The following LARP1 variants were observed in gnomAD, a reference collection of about 807,000 sequenced individuals.
The protein encoded by LARP1 is La ribonucleoprotein 1, translational regulator, also known as la-related protein 1.
A neutral mutation model predicts 122.7 loss-of-function variants in LARP1; 36 were observed. The observed-to-expected ratio is 0.29, with a 90% CI of 0.22 to 0.39. The LOEUF is 0.39. Among genes scored for constraint, LARP1 ranks in the 10% least tolerant of loss-of-function variants. The probability of loss-of-function intolerance (pLI) is 1.00; values close to 1 mark genes in which losing one functional copy is unlikely to be tolerated. For synonymous variants in LARP1, 539 were observed against 528.7 expected (o/e 1.02, Z -0.27); for missense variants, 1,040 against 1,403.6 (o/e 0.74, Z 4.14).
At position 154,793,740 on chromosome 5, in the gene LARP1, A is replaced by G. The variant is rs1383259400; in HGVS notation, c.868+17A>G. 1.2e-6 allele frequency: 2 copies of G among 1,614,108 alleles called. No individual in the cohort carries two copies. Among genetic ancestry groups the G allele is most frequent in the Non-Finnish European group, 1.7e-6 (2 of 1,179,990 alleles). The stretch of plus-strand genomic sequence containing the variant: ...AGATCAAAGGTATGCACTACCCACT[A>G]TGGAGGGCCTGGACTTGGGAGACAC... On this transcript the variant is annotated intron_variant, in intron 5 of 18. Transcript: ENST00000518297.
At chr5:154,716,903 T>G (rs1193080910) in intron 1 of LARP1, among the ~76,000 whole-genome samples, 1 of 151,916 alleles carries the variant, frequency 6.6e-6, no homozygotes, top group Non-Finnish European at 1.5e-5. Context: ...CTACAAAAAA[T>G]TCAAAAATTA....
At chr5:154,811,023 A>G (rs1759226432) in intron 16 of LARP1, among the ~76,000 whole-genome samples, 1 of 152,232 alleles carries the variant, frequency 6.6e-6, no homozygotes, top group African/African-American at 2.4e-5. Flanking sequence ...ATAGGAGTAA[A>G]CAAATGTCTG....
intron 1 of LARP1, among the ~76,000 whole-genome samples, chr5:154,699,318 T>C (rs577267053): frequency 1.3e-5 from 2 of 152,062 alleles, no homozygotes; most frequent in Non-Finnish European, 2.9e-5. Flanking sequence ...TTGGGCCCCA[T>C]TCCTGGAGAT....
In LARP1 at chr5:154,781,030, C is replaced by G. The variant is rs557714572; in HGVS notation, c.437-9295C>G. Among the ~76,000 whole-genome samples, 311 of 152,222 alleles carry G rather than the reference C, an allele frequency of 2.0e-3. 1 individual carries two copies. The highest frequency in any genetic ancestry group is 7.2e-3 in the African/African-American group (298 of 41,534). ...GTGAGCCTAGATTGTGCCACACCCA[C>G]TGCACTCCAGCCTAGGTGACAGAGT... On this transcript the variant is annotated intron_variant, in intron 1 of 18. Coordinates refer to ENST00000518297, the MANE Select transcript of LARP1 (RefSeq NM_033551.3).
chr5:154,696,525 T>G (rs1368328503), intron 1 of LARP1, among the ~76,000 whole-genome samples: 1 of 152,216 alleles, frequency 6.6e-6, no homozygotes, highest in Non-Finnish European at 1.5e-5. Context: ...CCAAGCTTGG[T>G]GCAAAGCCCT....
intron 1 of LARP1, among the ~76,000 whole-genome samples, chr5:154,742,768 A>T (rs1752972493): frequency 6.6e-6 from 1 of 151,922 alleles, no homozygotes; most frequent in South Asian, 2.1e-4. Flanking sequence ...AGAAAAAAAT[A>T]GTTTCTAGGA....
At position 154,703,043 on chromosome 5, in the gene LARP1, C is replaced by A. The variant is rs535187716; in HGVS notation, c.-180+20006C>A. On this transcript the variant is annotated intron_variant, in intron 1 of 18. Transcript: ENST00000687700. ...GGCTGAGGCAGGAGAATCGCTTGAA[C>A]CCGGGAGGTGGAGGTTGCAGTGAGC... Among the ~76,000 whole-genome samples the A allele has an allele frequency of 6.0e-5, 9 of 150,490 alleles. No individual in the cohort carries two copies. The South Asian group carries it at 1.9e-3, about 32-fold the overall frequency.
upstream of LARP1, among the ~76,000 whole-genome samples, chr5:154,751,070 T>A (rs1020979914): frequency 2.0e-5 from 3 of 152,082 alleles, no homozygotes; most frequent in Admixed American, 6.5e-5. Flanking sequence ...CTAATTAGAG[T>A]TTACCCTTTA....
chr5:154,685,264 T>G (rs1229489485), intron 1 of LARP1, among the ~76,000 whole-genome samples: 1 of 151,042 alleles, frequency 6.6e-6, no homozygotes, highest in African/African-American at 2.4e-5. Context: ...AAAAAAGAAT[T>G]GCACTCCTTA....
At chr5:154,724,427 A>G (rs1186397026) in intron 1 of LARP1, among the ~76,000 whole-genome samples, 2 of 152,242 alleles carry the variant, frequency 1.3e-5, no homozygotes, top group Non-Finnish European at 2.9e-5. Context: ...GGACTACAGA[A>G]GTAATTCCTT....
In LARP1 at chr5:154,816,115, G is replaced by C. The variant is rs1387150941; in HGVS notation, c.*2019G>C. 9 of 152,644 alleles carry C rather than the reference G, an allele frequency of 5.9e-5. No homozygotes were observed. The highest frequency in any genetic ancestry group is 2.2e-4 in the African/African-American group (9 of 41,434). 9.5% of individuals were successfully genotyped at this position (152,644 alleles called of 1,614,324 possible). A position where few individuals can be genotyped will look rare whatever the true frequency, so the allele number is the denominator to read the frequency against. On this transcript the variant is annotated 3_prime_UTR_variant, in exon 19 of 19. Transcript: ENST00000518297. ...TGCCCTCCCAGTGGTTGGTATGTGG[G>C]AAGCCCATCTCAGTTCCTGTGACTT...
intron 1 of LARP1, among the ~76,000 whole-genome samples, chr5:154,696,220 G>A (rs958721003): frequency 2.0e-5 from 3 of 152,082 alleles, no homozygotes; most frequent in South Asian, 4.1e-4. Context: ...AGCCAGGCAT[G>A]GTGGCATGTG....
intron 1 of LARP1, among the ~76,000 whole-genome samples, chr5:154,688,803 G>A (rs945362936): frequency 4.6e-5 from 7 of 152,132 alleles, no homozygotes; most frequent in African/African-American, 1.4e-4. Flanking sequence ...TCCAGCCTGG[G>A]TGACAGAATG....
At chr5:154,767,995 C>T (rs954549867) in intron 1 of LARP1, among the ~76,000 whole-genome samples, 14 of 152,204 alleles carry the variant, frequency 9.2e-5, no homozygotes, top group Non-Finnish European at 1.6e-4. Flanking sequence ...GTTATTTTGC[C>T]CAGGGAATCA....
chr5:154,750,728 C>T (rs558046169), upstream of LARP1, among the ~76,000 whole-genome samples: 1 of 152,332 alleles, frequency 6.6e-6, no homozygotes, highest in South Asian at 2.1e-4. Flanking sequence ...CCACCTCAGC[C>T]TCCTGAGTAG....
Position 154,728,186 on chromosome 5 carries a change from T to C in LARP1, c.205+15056T>C, listed in dbSNP as rs887928480. 3.7e-4 allele frequency among the ~76,000 whole-genome samples: 57 copies of C among 152,232 alleles called. 2 individuals carry two copies. Among genetic ancestry groups the C allele is most frequent in the Admixed American group, 2.0e-3 (30 of 15,286 alleles). ...AATTTTGGATTCCCAGATCCCACTC[T>C]GTAGATTTAGCCCCTCTGGTGTAGG... On this transcript the variant is annotated intron_variant, in intron 1 of 18. Transcript: ENST00000336314.
In LARP1 at chr5:154,802,385, T is replaced by C. The variant is rs369405951; in HGVS notation, c.2095T>C (p.Tyr699His). The change falls in exon 11 of 19, where the codon TAT becomes CAT. Residue 699 changes from tyrosine (Y) to histidine (H), a missense_variant. Tyr to His is a moderately conservative substitution (Grantham distance 83). Around this residue, in one of 8 missense-constraint regions of LARP1, gnomAD observed 362 missense variants for 533.1 expected, o/e 0.68. Transcript: ENST00000518297. This position sits in a 1 kb window ranked among gnomAD's most constrained non-coding sequence, Gnocchi z 5.1. The stretch of plus-strand genomic sequence containing the variant: ...GTGGGCTGAAAAGTTTGAACCTGAG[T>C]ATTCCCAGATCAAGGTGAGGCTTGG... ...DLWAEKFEPE[Y>H]SQIKQEVENF... 6.2e-7 allele frequency: 1 copy of C among 1,602,320 alleles called. No individual in the cohort carries two copies. Among genetic ancestry groups the C allele is most frequent in the Non-Finnish European group, 8.5e-7 (1 of 1,173,584 alleles).
intron 1 of LARP1, among the ~76,000 whole-genome samples, chr5:154,773,920 C>T (rs1476147007): frequency 6.6e-6 from 1 of 152,164 alleles, no homozygotes; most frequent in Non-Finnish European, 1.5e-5. Context: ...CAGGTTGGGA[C>T]ATAGAAATCT....
intron 1 of LARP1, among the ~76,000 whole-genome samples, chr5:154,727,496 G>A (rs1756293918): frequency 6.6e-6 from 1 of 152,094 alleles, no homozygotes; most frequent in Non-Finnish European, 1.5e-5. Context: ...GGTAGTTGTG[G>A]GGGAAGGGAG....
Sources: gnomAD v4.1 joint callset for allele counts (sites outside exome capture counted in the v4.1 genomes callset) on GRCh38, gnomAD v4.1.1 for gene constraint, gnomAD v4.1.1 regional missense constraint, Gnocchi (gnomAD v3.1) non-coding constraint, MANE v1.5 for transcripts, NCBI Gene and HGNC (gene_info 2026-07-23, HGNC 2026-07-21) for gene names.